Variants in LIN28A observed in about 807,000 individuals in gnomAD.
LIN28A encodes the protein lin-28 RNA binding posttranscriptional regulator A.
LIN28A carries 11 observed loss-of-function variants against 21.1 expected under a neutral mutation model. The ratio of observed to expected loss-of-function variants is 0.52; its 90% CI spans 0.33 to 0.86. The LOEUF is 0.86. Among genes scored for constraint, LIN28A ranks in the 40% least tolerant of loss-of-function variants. LIN28A has a pLI of 0.03. For missense variants in LIN28A, 219 were observed against 279.8 expected (o/e 0.78, Z 1.55); for synonymous variants, 111 against 108.7 (o/e 1.02, Z -0.13).
At position 26,411,741 on chromosome 1, in the gene LIN28A, A is replaced by G. The variant is rs1275707486; in HGVS notation, c.228+159A>G. On this transcript the variant is annotated intron_variant, in intron 2 of 3. Coordinates refer to ENST00000326279, the MANE Select transcript of LIN28A (RefSeq NM_024674.6). This position sits in a 1 kb window ranked among gnomAD's most constrained non-coding sequence, Gnocchi z 5.4. The stretch of plus-strand genomic sequence containing the variant: ...CCCCAATTCTGAGTCCCTGTTAACT[A>G]TCTCGTGGGGGAGTAGTGGGAGGCA... Among the ~76,000 whole-genome samples the G allele has an allele frequency of 6.6e-6, 1 of 151,994 alleles. No homozygotes were observed. Among genetic ancestry groups the G allele is most frequent in the African/African-American group, 2.4e-5 (1 of 41,368 alleles).
At chr1:26,420,577 A>T (rs6598965) in intron 2 of LIN28A, among the ~76,000 whole-genome samples, 1 of 148,268 alleles carries the variant, frequency 6.7e-6, no homozygotes, top group Non-Finnish European at 1.5e-5. Context: ...GCACTTCAGC[A>T]TGGGCGACAG....
In LIN28A at chr1:26,423,884, TC is replaced by T. The variant is rs537506934; in HGVS notation, c.229-1417del. Among the ~76,000 whole-genome samples the T allele has an allele frequency of 9.6e-4, 146 of 151,872 alleles. 1 individual carries two copies. Among genetic ancestry groups the T allele is most frequent in the Middle Eastern group, 3.4e-3 (1 of 294 alleles). ...TTCATGCCATTCTCCTGCCTCAGCC[TC>T]CGGAGTAGCTGGGACTACAGGCACC... On this transcript the variant is annotated intron_variant, in intron 2 of 3. Coordinates refer to ENST00000326279, the MANE Select transcript of LIN28A (RefSeq NM_024674.6).
At chr1:26,413,960 T>C (rs1359870075) in intron 2 of LIN28A, among the ~76,000 whole-genome samples, 1 of 151,834 alleles carries the variant, frequency 6.6e-6, no homozygotes, top group African/African-American at 2.4e-5. Context: ...CCTGAGTAGC[T>C]GGGATTACAG....
intron 2 of LIN28A, among the ~76,000 whole-genome samples, chr1:26,420,590 CAA>C (rs915187557): frequency 1.7e-4 from 17 of 97,796 alleles, no homozygotes; most frequent in African/African-American, 7.5e-4. Flanking sequence ...GGCGACAGAG[CAA>C]GACTTTCTCA....
chr1:26,420,288 G>A (rs1473125257), intron 2 of LIN28A, among the ~76,000 whole-genome samples: 1 of 152,078 alleles, frequency 6.6e-6, no homozygotes, highest in Non-Finnish European at 1.5e-5. Context: ...TTTAAACTCA[G>A]GGTGGTTACT....
At position 26,429,114 on chromosome 1, in the gene LIN28A, T is replaced by TGA. The variant is rs771846928; in HGVS notation, c.*2659_*2660dup. The TGA allele has an allele frequency of 2.5e-5, 4 of 157,562 alleles. No homozygotes were observed. The highest frequency in any genetic ancestry group is 9.6e-5 in the African/African-American group (4 of 41,522). 9.8% of individuals were successfully genotyped at this position (157,562 alleles called of 1,614,324 possible). A position where few individuals can be genotyped will look rare whatever the true frequency, so the allele number is the denominator to read the frequency against. On this transcript the variant is annotated 3_prime_UTR_variant, in exon 4 of 4. Transcript: ENST00000326279. ...CCGAGAGGCAGAGGTTGCAGTGAGC[T>TGA]GAGATCGCACCACTGCACTCCAGCC...
intron 3 of LIN28A, 43 bp downstream of exon 3, chr1:26,425,530 C>T (rs1326398427): frequency 6.4e-7 from 1 of 1,559,844 alleles, no homozygotes; most frequent in Non-Finnish European, 8.8e-7. Flanking sequence ...TAAGGGCATC[C>T]CCAGTCTCCC....
rs2075073194 is a variant in LIN28A, at chr1:26,428,455, A to G, written c.*1997A>G. 2 of 152,136 alleles carry G rather than the reference A, an allele frequency of 1.3e-5. No homozygotes were observed. The highest frequency in any genetic ancestry group is 1.5e-5 in the Non-Finnish European group (1 of 68,038). The allele number at this position is 152,136 out of a possible 1,614,324, so 9.4% of individuals were successfully genotyped here. On this transcript the variant is annotated 3_prime_UTR_variant, in exon 4 of 4. Transcript: ENST00000326279. The stretch of plus-strand genomic sequence containing the variant: ...CTTGGAGTGTCTCCACAACTCTTAA[A>G]TGATGTATGCAAAAATACTGAAGCT...
chr1:26,420,064 C>T (rs1209666432), intron 2 of LIN28A, among the ~76,000 whole-genome samples: 1 of 152,074 alleles, frequency 6.6e-6, no homozygotes, highest in Non-Finnish European at 1.5e-5. Context: ...TTCAAGCGAT[C>T]CTTCTACCTC....
intron 2 of LIN28A, among the ~76,000 whole-genome samples, chr1:26,412,081 G>T (rs2124281370): frequency 6.6e-6 from 1 of 152,332 alleles, no homozygotes; most frequent in East Asian, 1.9e-4. Context: ...TTTTAATGCA[G>T]ACCTCACCTG....
At chr1:26,413,527 C>G (rs1419542138) in intron 2 of LIN28A, among the ~76,000 whole-genome samples, 1 of 152,134 alleles carries the variant, frequency 6.6e-6, no homozygotes, top group African/African-American at 2.4e-5. Context: ...CTTGGAAATA[C>G]TCTGGATTTT....
intron 2 of LIN28A, among the ~76,000 whole-genome samples, chr1:26,416,967 T>C (rs2074997106): frequency 6.8e-6 from 1 of 146,740 alleles, no homozygotes; most frequent in Non-Finnish European, 1.5e-5. Flanking sequence ...TTCTAAGCAG[T>C]AGAATATAAG....
In LIN28A at chr1:26,411,020, G is replaced by A; in HGVS notation, c.31+98G>A. 8 of 1,471,100 alleles carry A rather than the reference G, an allele frequency of 5.4e-6. No homozygotes were observed. The highest frequency in any genetic ancestry group is 7.3e-6 in the Non-Finnish European group (8 of 1,091,622). The allele number at this position is 1,471,100 out of a possible 1,614,324, so 91.1% of individuals were successfully genotyped here. A position where few individuals can be genotyped will look rare whatever the true frequency, so the allele number is the denominator to read the frequency against. Reference sequence around the variant, plus strand: ...GGAACTGAGTCCTAGGCTGCCCAAAGGACCCCAAGACGGTGCGGCCTTCTG... The same window carrying A: ...GGAACTGAGTCCTAGGCTGCCCAAAAGACCCCAAGACGGTGCGGCCTTCTG... On this transcript the variant is annotated intron_variant, in intron 1 of 3. Transcript: ENST00000326279. The surrounding 1 kb of genome is among the most constrained non-coding windows in gnomAD (Gnocchi z 5.4).
chr1:26,411,495 C>T lies in LIN28A; in HGVS notation c.141C>T (p.Phe47=), dbSNP rs1347102245. The change falls in exon 2 of 4, where the codon TTC becomes TTT. Residue 47 remains phenylalanine, a synonymous_variant. Coordinates refer to ENST00000326279, the MANE Select transcript of LIN28A (RefSeq NM_024674.6). The surrounding 1 kb of genome is among the most constrained non-coding windows in gnomAD (Gnocchi z 5.4). ...LLHGAGICKW[F]NVRMGFGFLS... Reference sequence around the variant, plus strand: ...ACGGTGCGGGCATCTGTAAGTGGTTCAACGTGCGCATGGGGTTCGGCTTCC... The same window carrying T: ...ACGGTGCGGGCATCTGTAAGTGGTTTAACGTGCGCATGGGGTTCGGCTTCC... 3.7e-6 allele frequency: 6 copies of T among 1,614,000 alleles called. No homozygotes were observed. The highest frequency in any genetic ancestry group is 1.1e-5 in the South Asian group (1 of 91,096).
chr1:26,411,844 G>A lies in LIN28A; in HGVS notation c.228+262G>A, dbSNP rs1290894723. 6.6e-6 allele frequency among the ~76,000 whole-genome samples: 1 copy of A among 152,210 alleles called. No individual in the cohort carries two copies. The highest frequency in any genetic ancestry group is 2.4e-5 in the African/African-American group (1 of 41,456). ...CGTGTCTATTACCTCTTTCCCCTGG[G>A]AAGGGGCAGGGGGCAGGGAGGTGAC... On this transcript the variant is annotated intron_variant, in intron 2 of 3. Transcript: ENST00000326279. This position sits in a 1 kb window ranked among gnomAD's most constrained non-coding sequence, Gnocchi z 5.4.
At chr1:26,423,278 T>A (rs1232859536) in intron 2 of LIN28A, among the ~76,000 whole-genome samples, 1 of 152,100 alleles carries the variant, frequency 6.6e-6, no homozygotes, top group Admixed American at 6.6e-5. Flanking sequence ...TGGATTCATG[T>A]GATCTGCCCA....
rs1409627476 is a variant in LIN28A at position 26,411,382 on chromosome 1, C to G, written c.32-4C>G. On this transcript the variant is annotated splice_region_variant and splice_polypyrimidine_tract_variant and intron_variant, in intron 1 of 3. Transcript: ENST00000326279. This position sits in a 1 kb window ranked among gnomAD's most constrained non-coding sequence, Gnocchi z 5.4. The stretch of plus-strand genomic sequence containing the variant: ...GCTAAGTGCCCGGCCCTCCCTCTCT[C>G]CAGGTGGCTGCGCCAAGGCGGCAGA... 1 of 1,587,134 alleles carries G rather than the reference C, an allele frequency of 6.3e-7. No homozygotes were observed. Among genetic ancestry groups the G allele is most frequent in the African/African-American group, 1.4e-5 (1 of 73,996 alleles).
rs1484676472 is a variant in LIN28A, at chr1:26,411,404, C to T, written c.50C>T (p.Ala17Val). 2.5e-6 allele frequency: 4 copies of T among 1,599,196 alleles called. No individual in the cohort carries two copies. Among genetic ancestry groups the T allele is most frequent in the East Asian group, 4.5e-5 (2 of 44,136 alleles). ...QQFAGGCAKA[A>V]EEAPEEAPED... ...TCTCCAGGTGGCTGCGCCAAGGCGG[C>T]AGAAGAGGCGCCCGAGGAGGCGCCG... Residue 17 changes from alanine to valine, a missense_variant, in exon 2 of 4, where the codon GCA (alanine) becomes GTA (valine). Physicochemically the swap from Ala to Val is moderately conservative, Grantham distance 64 (BLOSUM62 0). This residue lies in a region of LIN28A where 50 missense variants were observed against 49.0 expected (regional missense o/e 1.02). Transcript: ENST00000326279. This position sits in a 1 kb window ranked among gnomAD's most constrained non-coding sequence, Gnocchi z 5.4.
At chr1:26,420,121 C>T (rs1291223320) in intron 2 of LIN28A, among the ~76,000 whole-genome samples, 1 of 152,040 alleles carries the variant, frequency 6.6e-6, no homozygotes, top group South Asian at 2.1e-4. Flanking sequence ...CCATGCTGAG[C>T]TAATTTTTGT....
Sources: gnomAD v4.1 joint callset for allele counts (sites outside exome capture counted in the v4.1 genomes callset) on GRCh38, gnomAD v4.1.1 for gene constraint, gnomAD v4.1.1 regional missense constraint, Gnocchi (gnomAD v3.1) non-coding constraint, MANE v1.5 for transcripts, NCBI Gene and HGNC (gene_info 2026-07-23, HGNC 2026-07-21) for gene names.